The following HSD17B12 variants were observed in gnomAD, a reference collection of about 807,000 sequenced individuals.
HSD17B12 encodes the protein very-long-chain 3-oxoacyl-CoA reductase.
Under a neutral mutation model 39.3 loss-of-function variants are expected in HSD17B12, and 32 were observed. The ratio of observed to expected loss-of-function variants is 0.81; its 90% confidence interval spans 0.61 to 1.09. The LOEUF (loss-of-function observed/expected upper bound fraction) is 1.09, where lower values mean the gene tolerates loss of function less well. Among genes scored for constraint, HSD17B12 ranks in the 50% least tolerant of loss-of-function variants. The pLI, the probability that HSD17B12 is intolerant of heterozygous loss-of-function variation, is 0.00. For synonymous variants in HSD17B12, 150 were observed against 146.7 expected (o/e 1.02, Z -0.16); for missense variants, 342 against 382.9 (o/e 0.89, Z 0.89).
intron 3 of HSD17B12, among the ~76,000 whole-genome samples, chr11:43,792,169 G>A (rs1268964344): frequency 6.6e-6 from 1 of 152,190 alleles, no homozygotes; most frequent in Non-Finnish European, 1.5e-5. Flanking sequence ...TAAGGCCTAG[G>A]AGTTGTGGGG....
At chr11:43,625,275 G>C in the HSD17B12 span, among the ~76,000 whole-genome samples, 1 of 151,354 alleles carries the variant, frequency 6.6e-6, no homozygotes, top group Non-Finnish European at 1.5e-5. Flanking sequence ...CTTCAAGATG[G>C]CATATTTAAA....
intron 1 of HSD17B12, among the ~76,000 whole-genome samples, chr11:43,714,288 A>T (rs1234892980): frequency 4.6e-5 from 7 of 151,278 alleles, no homozygotes; most frequent in South Asian, 4.2e-4. Flanking sequence ...TCCATCTTGA[A>T]TTAATTTTTG....
At chr11:43,790,911 T>C (rs2135030381) in intron 3 of HSD17B12, among the ~76,000 whole-genome samples, 1 of 152,188 alleles carries the variant, frequency 6.6e-6, no homozygotes, top group African/African-American at 2.4e-5. Context: ...GGAGAATCGC[T>C]TGAACCCAGG....
chr11:43,788,524 C>T (rs1233469362), intron 3 of HSD17B12, among the ~76,000 whole-genome samples: 1 of 151,966 alleles, frequency 6.6e-6, no homozygotes, highest in African/African-American at 2.4e-5. Flanking sequence ...GAAGTCCCTC[C>T]CAGCCTAGCC....
the HSD17B12 span, among the ~76,000 whole-genome samples, chr11:43,637,685 C>A: frequency 6.6e-6 from 1 of 152,148 alleles, no homozygotes; most frequent in South Asian, 2.1e-4. Context: ...ATGTTGAAGA[C>A]GCAAAGTTAA....
intron 3 of HSD17B12, among the ~76,000 whole-genome samples, chr11:43,769,614 G>A (rs1950630564): frequency 6.6e-6 from 1 of 152,154 alleles, no homozygotes; most frequent in Non-Finnish European, 1.5e-5. Flanking sequence ...AAGGCCTCTT[G>A]AATGTATGAC....
chr11:43,653,379 T>TA, the HSD17B12 span, among the ~76,000 whole-genome samples: 1 of 152,064 alleles, frequency 6.6e-6, no homozygotes, highest in Non-Finnish European at 1.5e-5. Context: ...TTTGAGGTCT[T>TA]GGTTGACGCA....
rs1428570661 is a variant in HSD17B12 at position 43,682,567 on chromosome 11, CAG to C, written c.160+1582_160+1583del. Among the ~76,000 whole-genome samples the C allele has an allele frequency of 5.5e-5, 7 of 126,642 alleles. No individual in the cohort carries two copies. The East Asian group carries it at 1.5e-3, about 28-fold the overall frequency. The allele number at this position is 126,642 out of a possible 152,430, so 83.1% of individuals were successfully genotyped here. ...CTCAAAAAAAAAAAAAAAAAAAAAA[CAG>C]AAAGTGAAGTATTCAACTTGGTTAT... On this transcript the variant is annotated intron_variant, in intron 1 of 10. Coordinates refer to ENST00000278353, the MANE Select transcript of HSD17B12 (RefSeq NM_016142.3).
chr11:43,590,299 C>T, the HSD17B12 span, among the ~76,000 whole-genome samples: 1 of 151,712 alleles, frequency 6.6e-6, no homozygotes, highest in Non-Finnish European at 1.5e-5. Context: ...TTCCTGGCTT[C>T]TAAGTAGTAG....
chr11:43,683,104 GTTTTTTTTTT>G (rs145842097), intron 1 of HSD17B12, among the ~76,000 whole-genome samples: 9 of 140,618 alleles, frequency 6.4e-5, no homozygotes, highest in Admixed American at 5.0e-4. Context: ...GTTTTTTTTT[GTTTTTTTTTT>G]TTTTTCTCTT....
At chr11:43,595,470 T>C in the HSD17B12 span, among the ~76,000 whole-genome samples, 3 of 152,236 alleles carry the variant, frequency 2.0e-5, no homozygotes, top group Non-Finnish European at 4.4e-5. Context: ...GATGCAACAC[T>C]GTTGATTTAT....
At chr11:43,660,588 A>G in the HSD17B12 span, among the ~76,000 whole-genome samples, 2 of 152,250 alleles carry the variant, frequency 1.3e-5, no homozygotes, top group Non-Finnish European at 2.9e-5. Flanking sequence ...CAACTAGAGC[A>G]AACTGGTACA....
chr11:43,649,011 C>T, the HSD17B12 span, among the ~76,000 whole-genome samples: 3 of 152,186 alleles, frequency 2.0e-5, no homozygotes, highest in Non-Finnish European at 2.9e-5. Flanking sequence ...GGATCACAGG[C>T]GTGAGCACCC....
chr11:43,631,264 A>G, the HSD17B12 span, among the ~76,000 whole-genome samples: 1 of 152,216 alleles, frequency 6.6e-6, no homozygotes, highest in Admixed American at 6.5e-5. Context: ...AGATTTTTTG[A>G]AGAAATATAG....
At chr11:43,582,776 A>G in the HSD17B12 span, among the ~76,000 whole-genome samples, 3 of 152,174 alleles carry the variant, frequency 2.0e-5, no homozygotes, top group Admixed American at 2.0e-4. Context: ...TCAATCTTTT[A>G]TGGCTAAGAC....
chr11:43,584,144 A>G, the HSD17B12 span, among the ~76,000 whole-genome samples: 4 of 152,048 alleles, frequency 2.6e-5, no homozygotes, highest in African/African-American at 9.7e-5. Flanking sequence ...CCCCACTCCT[A>G]GAGTCTGGAG....
At chr11:43,763,182 T>C (rs1367283369) in intron 3 of HSD17B12, among the ~76,000 whole-genome samples, 1 of 152,180 alleles carries the variant, frequency 6.6e-6, no homozygotes, top group Admixed American at 6.5e-5. Flanking sequence ...AAGAGACTAA[T>C]CGTTATACTG....
intron 9 of HSD17B12, among the ~76,000 whole-genome samples, chr11:43,842,583 T>C (rs1051715880): frequency 2.6e-5 from 4 of 152,208 alleles, no homozygotes; most frequent in Admixed American, 6.5e-5. Flanking sequence ...GAATGTTCTA[T>C]GTAGAATATG....
At chr11:43,646,154 A>G in the HSD17B12 span, 1 of 152,258 alleles carries the variant, frequency 6.6e-6, no homozygotes, top group Non-Finnish European at 1.5e-5. Flanking sequence ...ACTGCATCTC[A>G]AAAAATATAT....
Sources: gnomAD v4.1 joint callset for allele counts (sites outside exome capture counted in the v4.1 genomes callset) on GRCh38, gnomAD v4.1.1 for gene constraint, MANE v1.5 for transcripts, NCBI Gene and HGNC (gene_info 2026-07-23, HGNC 2026-07-21) for gene names.